The following DFFA variants were observed in gnomAD, a reference collection of about 807,000 sequenced individuals.
DFFA encodes DFF45.
In DFFA, 14 loss-of-function variants were observed where a neutral mutation model predicts 28.0. The ratio of observed to expected loss-of-function variants is 0.50; its 90% CI spans 0.33 to 0.78. The LOEUF (loss-of-function observed/expected upper bound fraction) is 0.78, where lower values mean the gene tolerates loss of function less well. Among genes scored for constraint, DFFA ranks in the 30% least tolerant of loss-of-function variants. The pLI is 0.02. For missense variants in DFFA, 395 were observed against 407.1 expected (o/e 0.97, Z 0.26); for synonymous variants, 158 against 170.3 (o/e 0.93, Z 0.56).
intron 4 of DFFA, 97 bp from the exon 5 acceptor site, chr1:10,463,306 G>A: frequency 6.4e-7 from 1 of 1,554,104 alleles, no homozygotes; most frequent in Non-Finnish European, 8.7e-7. Context: ...AGAGAAACGT[G>A]CCCGTCCCGC....
At chr1:10,463,018 T>A in intron 5 of DFFA, 40 bp downstream of exon 5, 1 of 1,612,796 alleles carries the variant, frequency 6.2e-7, no homozygotes, top group Non-Finnish European at 8.5e-7. Flanking sequence ...TCCCAGGGCA[T>A]GTCCTCCTCT....
intron 5 of DFFA, 57 bp downstream of exon 5, chr1:10,463,001 T>C (rs1640969330): frequency 1.2e-6 from 2 of 1,609,086 alleles, no homozygotes; most frequent in Non-Finnish European, 1.7e-6. Flanking sequence ...TGCATGATAC[T>C]ACTACATCCC....
At chr1:10,469,522 T>A (rs183569195) in intron 1 of DFFA, among the ~76,000 whole-genome samples, 184 bp from the exon 2 acceptor site, 22 of 152,196 alleles carry the variant, frequency 1.4e-4, no homozygotes, top group African/African-American at 4.6e-4. Flanking sequence ...GTTCTAAGTG[T>A]TCTTTTCTTT....
chr1:10,464,314 G>A (rs1315300053), intron 3 of DFFA, among the ~76,000 whole-genome samples: 3 of 150,962 alleles, frequency 2.0e-5, no homozygotes, highest in East Asian at 4.0e-4. Flanking sequence ...GGATGGTCTC[G>A]ATCTCCTGAT....
In DFFA at chr1:10,461,496, G is replaced by A. The variant is rs754280896; in HGVS notation, c.990C>T (p.Pro330=). The A allele has an allele frequency of 1.2e-6, 2 of 1,613,554 alleles. No individual in the cohort carries two copies. The highest frequency in any genetic ancestry group is 8.5e-7 in the Non-Finnish European group (1 of 1,179,794). ...GGCACACTTCCCGCTGCTGCTATGTGGGATCCTGTCTGGCTCGCTTAGGAT... is the reference window on the plus strand; with the variant it reads ...GGCACACTTCCCGCTGCTGCTATGTAGGATCCTGTCTGGCTCGCTTAGGAT... ...LQNPKRARQD[P]T The change falls in exon 6 of 6, where the codon CCC becomes CCT. Residue 330 remains proline (P), a synonymous_variant. Transcript: ENST00000377038.
intron 1 of DFFA, among the ~76,000 whole-genome samples, chr1:10,471,209 C>T (rs1191738207): frequency 6.6e-6 from 1 of 152,062 alleles, no homozygotes; most frequent in Non-Finnish European, 1.5e-5. Flanking sequence ...GAGAGGCTTT[C>T]TCCAGGACAG....
rs1640942302 is a variant in DFFA, at chr1:10,461,673, C to T, written c.813G>A (p.Leu271=). The T allele has an allele frequency of 6.2e-7, 1 of 1,614,258 alleles. No individual in the cohort carries two copies. Among genetic ancestry groups the T allele is most frequent in the Non-Finnish European group, 8.5e-7 (1 of 1,180,048 alleles). The change falls in exon 6 of 6, where the codon CTG becomes CTA. Residue 271 remains leucine, a synonymous_variant. Coordinates refer to ENST00000377038, the MANE Select transcript of DFFA (RefSeq NM_004401.3). ...ELVTKEDPKA[L]AVALNWDIKK... is the part of the protein sequence containing the mutation. ...TTATGTCCCAGTTCAAGGCAACAGC[C>T]AGTGCTTTGGGGTCTTCCTTGGTAA...
chr1:10,470,976 T>C (rs1020844394), intron 1 of DFFA, among the ~76,000 whole-genome samples: 16 of 139,218 alleles, frequency 1.1e-4, no homozygotes, highest in Non-Finnish European at 2.4e-4. Flanking sequence ...AGCAGGAGAA[T>C]GGAGTGAACC....
Position 10,460,171 on chromosome 1 carries a change from G to A in DFFA, c.*1319C>T, listed in dbSNP as rs1640907726. 1 of 152,000 alleles carries A rather than the reference G, an allele frequency of 6.6e-6. No individual in the cohort carries two copies. Among genetic ancestry groups the A allele is most frequent in the South Asian group, 2.1e-4 (1 of 4,818 alleles). 9.4% of individuals were successfully genotyped at this position (152,000 alleles called of 1,614,324 possible). On this transcript the variant is annotated 3_prime_UTR_variant, in exon 6 of 6. Transcript: ENST00000377038. ...GAAACAGGAGAATCGCTTGAACCTGGGAGGTGGGGGTTGCAGTGAGCCGAG... is the reference window on the plus strand; with the variant it reads ...GAAACAGGAGAATCGCTTGAACCTGAGAGGTGGGGGTTGCAGTGAGCCGAG...
chr1:10,465,357 C>G (rs1057369396), intron 3 of DFFA, among the ~76,000 whole-genome samples: 7 of 152,298 alleles, frequency 4.6e-5, no homozygotes, highest in Non-Finnish European at 8.8e-5. Flanking sequence ...ACCTCCCCCT[C>G]CCAGGTCAAG....
chr1:10,468,399 C>T (rs61661963), intron 2 of DFFA, among the ~76,000 whole-genome samples: 4 of 150,404 alleles, frequency 2.7e-5, no homozygotes, highest in Admixed American at 2.0e-4. Context: ...GGGGGAGGTT[C>T]GTAACATCTA....
At chr1:10,467,514 A>AT (rs373985522) in intron 2 of DFFA, among the ~76,000 whole-genome samples, 182 bp from the exon 3 acceptor site, 4,891 of 142,750 alleles carry the variant, frequency 0.034, 242 homozygotes, top group African/African-American at 0.11. Flanking sequence ...CTCTTCTTTC[A>AT]TTTTTTTTTT....
At chr1:10,471,203 G>A (rs1641094485) in intron 1 of DFFA, among the ~76,000 whole-genome samples, 1 of 152,092 alleles carries the variant, frequency 6.6e-6, no homozygotes, top group Non-Finnish European at 1.5e-5. Context: ...TTGGCGGAGA[G>A]GCTTTCTCCA....
At position 10,461,517 on chromosome 1, in the gene DFFA, A is replaced by C. The variant is rs1640938517; in HGVS notation, c.969T>G (p.Pro323=). Reference sequence around the variant, plus strand: ...ATGTGGGATCCTGTCTGGCTCGCTTAGGATTCTGCAGGTCACCAGGTGGTG... The same window carrying C: ...ATGTGGGATCCTGTCTGGCTCGCTTCGGATTCTGCAGGTCACCAGGTGGTG... ...KASPPGDLQN[P]KRARQDPT The change falls in exon 6 of 6, where the codon CCT becomes CCG. Residue 323 remains proline (P), a synonymous_variant. Coordinates refer to ENST00000377038, the MANE Select transcript of DFFA (RefSeq NM_004401.3). 2 of 1,614,004 alleles carry C rather than the reference A, an allele frequency of 1.2e-6. No individual in the cohort carries two copies. Among genetic ancestry groups the C allele is most frequent in the African/African-American group, 2.7e-5 (2 of 74,940 alleles).
intron 3 of DFFA, among the ~76,000 whole-genome samples, 167 bp downstream of exon 3, chr1:10,467,018 TTACTC>T (rs1202018058): frequency 2.7e-5 from 4 of 146,602 alleles, no homozygotes; most frequent in Non-Finnish European, 3.0e-5. Flanking sequence ...GGTTGAAAAA[TTACTC>T]TAGGTGAGAA....
In DFFA at chr1:10,472,438, G is replaced by A; in HGVS notation, c.21C>T (p.Ala7=). Residue 7 remains alanine, a synonymous_variant, in exon 1 of 6, where the codon GCC becomes GCT. Coordinates refer to ENST00000377038, the MANE Select transcript of DFFA (RefSeq NM_004401.3). The surrounding 1 kb of genome is among the most constrained non-coding windows in gnomAD (Gnocchi z 5.0). Reference sequence around the variant, plus strand: ...GGATCTCGCCAGATTCTGGTACCCCGGCGTCCCCGGTCACCTCCATCCTCC... The same window carrying A: ...GGATCTCGCCAGATTCTGGTACCCCAGCGTCCCCGGTCACCTCCATCCTCC... MEVTGD[A]GVPESGEIRT... 5.0e-6 allele frequency: 8 copies of A among 1,610,880 alleles called. No individual in the cohort carries two copies. Among genetic ancestry groups the A allele is most frequent in the Non-Finnish European group, 6.8e-6 (8 of 1,178,310 alleles).
Position 10,457,865 on chromosome 1 carries a change from C to T in DFFA, c.*3625G>A, listed in dbSNP as rs1052463928. 2 of 137,172 alleles carry T rather than the reference C, an allele frequency of 1.5e-5. No individual in the cohort carries two copies. The highest frequency in any genetic ancestry group is 1.6e-4 in the Admixed American group (2 of 12,486). 8.5% of individuals were successfully genotyped at this position (137,172 alleles called of 1,614,324 possible). A position where few individuals can be genotyped will look rare whatever the true frequency, so the allele number is the denominator to read the frequency against. ...CAAGTACAGAATATTAACACTAACG[C>T]CCAGACGAGTCAACGAACGCTCTGT... is the stretch of plus-strand genomic sequence containing the variant. On this transcript the variant is annotated 3_prime_UTR_variant, in exon 6 of 6. Transcript: ENST00000377038.
rs1570100210 is a variant in DFFA at position 10,461,269 on chromosome 1, G to T, written c.*221C>A. 3.4e-6 allele frequency: 2 copies of T among 592,308 alleles called. No homozygotes were observed. The highest frequency in any genetic ancestry group is 6.0e-5 in the East Asian group (2 of 33,338). 36.7% of individuals were successfully genotyped at this position (592,308 alleles called of 1,614,324 possible). A position where few individuals can be genotyped will look rare whatever the true frequency, so the allele number is the denominator to read the frequency against. On this transcript the variant is annotated 3_prime_UTR_variant, in exon 6 of 6. Transcript: ENST00000377038. ...ATGTAATTAGAGGAGGCGGGATATT[G>T]TTGGTGCAGCTATATCATTCAAAAT...
intron 5 of DFFA, chr1:10,462,700 T>C: frequency 9.5e-7 from 1 of 1,055,018 alleles, no homozygotes; most frequent in Non-Finnish European, 1.1e-6. Flanking sequence ...TGCCTTTTCC[T>C]GTGACATTGA....
Sources: gnomAD v4.1 joint callset for allele counts (sites outside exome capture counted in the v4.1 genomes callset) on GRCh38, gnomAD v4.1.1 for gene constraint, Gnocchi (gnomAD v3.1) non-coding constraint, MANE v1.5 for transcripts, NCBI Gene and HGNC (gene_info 2026-07-23, HGNC 2026-07-21) for gene names.